CPA5: variants seen among roughly 807,000 people sequenced by gnomAD.
The protein encoded by CPA5 is testicular tissue protein Li 32.
Under a neutral mutation model 52.2 loss-of-function variants are expected in CPA5, and 38 were observed. That is an observed-to-expected ratio of 0.73 (90% CI 0.56 to 0.95). The LOEUF is 0.95. Ranked by LOEUF, CPA5 falls within the 40% of genes least tolerant of loss-of-function variation. The pLI is 0.00. For missense variants in CPA5, 519 were observed against 566.7 expected (o/e 0.92, Z 0.86); for synonymous variants, 198 against 213.7 (o/e 0.93, Z 0.64).
chr7:130,354,462 C>T (rs1310717963), intron 5 of CPA5, among the ~76,000 whole-genome samples: 2 of 150,802 alleles, frequency 1.3e-5, no homozygotes, highest in Non-Finnish European at 3.0e-5. Flanking sequence ...GGCATGATCT[C>T]GGCTCACTGC....
chr7:130,349,625 T>C (rs1445330923), intron 4 of CPA5, among the ~76,000 whole-genome samples: 3 of 152,216 alleles, frequency 2.0e-5, no homozygotes, highest in Non-Finnish European at 4.4e-5. Context: ...GAGTGATAGA[T>C]ACCTCATTTG....
chr7:130,353,284 G>A (rs1554404454), intron 5 of CPA5, among the ~76,000 whole-genome samples: 2 of 151,766 alleles, frequency 1.3e-5, no homozygotes, highest in East Asian at 3.9e-4. Context: ...AGCTTCCCTC[G>A]ACAATGTCAC....
chr7:130,370,015 C>CA (rs1554409727), downstream of CPA5, among the ~76,000 whole-genome samples: 2 of 152,208 alleles, frequency 1.3e-5, no homozygotes, highest in Non-Finnish European at 2.9e-5. Flanking sequence ...GGAGACTAGA[C>CA]AGAGGATTAG....
At chr7:130,369,470 A>G (rs10253113), downstream of CPA5, among the ~76,000 whole-genome samples, 51,039 of 151,878 alleles carry the variant, frequency 0.34, 8,720 homozygotes, top group Admixed American at 0.44. Flanking sequence ...AGGCTGTACT[A>G]TGCAGCAGGG....
intron 10 of CPA5, 68 bp from the exon 11 acceptor site, chr7:130,367,304 A>AT (rs1796145006): frequency 2.2e-6 from 3 of 1,381,560 alleles, no homozygotes; most frequent in Non-Finnish European, 3.1e-6. Context: ...ACACACAGGT[A>AT]TTTTGTGAGC....
chr7:130,350,294 A>G (rs6957041), intron 5 of CPA5, among the ~76,000 whole-genome samples, 185 bp downstream of exon 5: 148,891 of 152,268 alleles, frequency 0.98, 72,888 homozygotes, highest in East Asian at 1. Flanking sequence ...CTAGGACAGG[A>G]TTCATGGGGG....
At chr7:130,356,452 G>A (rs1217254377) in intron 5 of CPA5, among the ~76,000 whole-genome samples, 1 of 152,194 alleles carries the variant, frequency 6.6e-6, no homozygotes, top group African/African-American at 2.4e-5. Context: ...TCCTCAGCCT[G>A]TGGCCTGACC....
chr7:130,367,418 C>T lies in CPA5; in HGVS notation c.885C>T (p.Pro295=), dbSNP rs782802691. 9 of 1,614,176 alleles carry T rather than the reference C, an allele frequency of 5.6e-6. No homozygotes were observed. The highest frequency in any genetic ancestry group is 7.6e-6 in the Non-Finnish European group (9 of 1,180,040). ...CCTGCTCAGAAACTTATCACGGGCCCTCCCCTCAGTCGGAGCCGGAGGTGG... is the reference window on the plus strand; with the variant it reads ...CCTGCTCAGAAACTTATCACGGGCCTTCCCCTCAGTCGGAGCCGGAGGTGG... ...SNPCSETYHG[P]SPQSEPEVAA... The change falls in exon 11 of 13, where the codon CCC becomes CCT. Residue 295 remains proline (P), a synonymous_variant. Transcript: ENST00000474905.
Position 130,364,725 on chromosome 7 carries a change from G to A in CPA5, c.838+1216G>A, listed in dbSNP as rs189080900. ...TATGACCCTGGTGCATACCTGCAGAGCTGGCTGATCCCAGTGAGGGGGAGG... is the reference window on the plus strand; with the variant it reads ...TATGACCCTGGTGCATACCTGCAGAACTGGCTGATCCCAGTGAGGGGGAGG... On this transcript the variant is annotated intron_variant, in intron 10 of 12. Transcript: ENST00000474905. Among the ~76,000 whole-genome samples, 3 of 152,388 alleles carry A rather than the reference G, an allele frequency of 2.0e-5. No homozygotes were observed. In the East Asian group the frequency reaches 5.8e-4, roughly 29 times the overall value.
intron 6 of CPA5, among the ~76,000 whole-genome samples, chr7:130,360,029 G>A (rs971172464): frequency 3.9e-5 from 6 of 152,174 alleles, no homozygotes; most frequent in Non-Finnish European, 8.8e-5. Context: ...GACAGAGCAG[G>A]AGCGTCGCCA....
intron 5 of CPA5, among the ~76,000 whole-genome samples, chr7:130,357,722 A>G (rs1554405558): frequency 6.6e-6 from 1 of 151,982 alleles, no homozygotes; most frequent in Non-Finnish European, 1.5e-5. Flanking sequence ...GCCTTCTTCT[A>G]TCTTAGCAGG....
chr7:130,351,987 G>A (rs782411602), intron 5 of CPA5, among the ~76,000 whole-genome samples: 3 of 152,102 alleles, frequency 2.0e-5, no homozygotes, highest in Non-Finnish European at 4.4e-5. Flanking sequence ...CACGCTCCGT[G>A]TCAATCTTCC....
At position 130,346,443 on chromosome 7, in the gene CPA5, G is replaced by A; in HGVS notation, c.-43G>A. The A allele has an allele frequency of 6.9e-7, 1 of 1,455,648 alleles. No individual in the cohort carries two copies. The highest frequency in any genetic ancestry group is 2.3e-5 in the East Asian group (1 of 44,144). The allele number at this position is 1,455,648 out of a possible 1,614,324, so 90.2% of individuals were successfully genotyped here. A position where few individuals can be genotyped will look rare whatever the true frequency, so the allele number is the denominator to read the frequency against. ...TGTGCTGTCCTGAGGCCTGGGCCAT[G>A]GTGCCCAAGGAAAGCCCCTGAAGCT... On this transcript the variant is annotated 5_prime_UTR_variant, in exon 3 of 13. An upstream start codon of the reference 5' UTR is lost. Transcript: ENST00000474905.
Position 130,362,888 on chromosome 7 carries a change from T to C in CPA5, c.641T>C (p.Val214Ala), listed in dbSNP as rs782258538. 2 of 1,608,428 alleles carry C rather than the reference T, an allele frequency of 1.2e-6. No homozygotes were observed. Among genetic ancestry groups the C allele is most frequent in the East Asian group, 2.2e-5 (1 of 44,824 alleles). ...CCTCCTCACTCTTTCTTGCAGATTG[T>C]CAGTGATTATGGCAAAGACCGTGTC... Reference protein sequence around the residue: ...ATGIWTANKIVSDYGKDRVLT... With the variant: ...ATGIWTANKIASDYGKDRVLT... Residue 214 changes from valine to alanine, a missense_variant, in exon 9 of 13, where the codon GTC becomes GCC. Physicochemically the swap from Val to Ala is moderately conservative, Grantham distance 64. Transcript: ENST00000474905.
chr7:130,367,776 A>T, intron 11 of CPA5, 130 bp from the exon 12 acceptor site: 1 of 891,974 alleles, frequency 1.1e-6, no homozygotes, highest in Admixed American at 1.9e-5. Context: ...CTCCCTTCTC[A>T]CAAGGGCCAT....
chr7:130,350,144 G>A (rs200782240), intron 5 of CPA5, 35 bp downstream of exon 5: 7 of 1,590,932 alleles, frequency 4.4e-6, no homozygotes, highest in East Asian at 2.3e-5. Context: ...CCTGCCTTCC[G>A]CCTTCCTTTC....
chr7:130,361,144 T>C lies in CPA5; in HGVS notation c.434T>C (p.Ile145Thr). 6.2e-7 allele frequency: 1 copy of C among 1,603,570 alleles called. No individual in the cohort carries two copies. Among genetic ancestry groups the C allele is most frequent in the Non-Finnish European group, 8.5e-7 (1 of 1,170,358 alleles). ...SYSSYHTLEE[I>T]YSWIDNFVME... is the part of the protein sequence containing the mutation. Reference sequence around the variant, plus strand: ...TCTTACACACTTCTTTCCTTTCAGATATATAGCTGGATTGACAACTTTGTA... The same window carrying C: ...TCTTACACACTTCTTTCCTTTCAGACATATAGCTGGATTGACAACTTTGTA... Residue 145 changes from isoleucine to threonine, a missense_variant and splice_region_variant, in exon 7 of 13, where the codon ATA becomes ACA. Physicochemically the swap from Ile to Thr is moderately conservative, Grantham distance 89. Coordinates refer to ENST00000474905, the MANE Select transcript of CPA5 (RefSeq NM_080385.5).
Position 130,367,385 on chromosome 7 carries a change from C to T in CPA5, c.852C>T (p.Asn284=), listed in dbSNP as rs1796152404. 6.2e-7 allele frequency: 1 copy of T among 1,613,994 alleles called. No individual in the cohort carries two copies. ...TTTTACTTCCAGGAAATGGTTCTAA[C>T]AGCAACCCCTGCTCAGAAACTTATC... ...WKSGFGGNGS[N]SNPCSETYHG... is the part of the protein sequence containing the mutation. The change falls in exon 11 of 13, where the codon AAC becomes AAT. Residue 284 remains asparagine, a synonymous_variant. Coordinates refer to ENST00000474905, the MANE Select transcript of CPA5 (RefSeq NM_080385.5).
At chr7:130,368,015 C>T (rs1554409040) in intron 12 of CPA5, 25 bp downstream of exon 12, 1 of 1,595,404 alleles carries the variant, frequency 6.3e-7, no homozygotes, top group Non-Finnish European at 8.6e-7. Flanking sequence ...CCTGGCCCTG[C>T]TTCAGACACC....
Sources: gnomAD v4.1 joint callset for allele counts (sites outside exome capture counted in the v4.1 genomes callset) on GRCh38, gnomAD v4.1.1 for gene constraint, MANE v1.5 for transcripts, NCBI Gene and HGNC (gene_info 2026-07-23, HGNC 2026-07-21) for gene names.